Variants in REC114 observed in about 807,000 individuals in gnomAD.
The protein encoded by REC114 is REC114 meiotic recombination protein, also known as meiotic recombination protein REC114.
Under a neutral mutation model 31.3 loss-of-function variants are expected in REC114, and 27 were observed. The ratio of observed to expected loss-of-function variants is 0.86; its 90% CI spans 0.64 to 1.19. REC114 has a LOEUF of 1.19. Ranked by LOEUF, REC114 falls within the 50% of genes most tolerant of loss-of-function variation. The pLI is 0.00. For synonymous variants in REC114, 134 were observed against 127.7 expected (o/e 1.05, Z -0.33); for missense variants, 344 against 326.9 (o/e 1.05, Z -0.40).
intron 1 of REC114, among the ~76,000 whole-genome samples, chr15:73,448,984 C>G (rs184149703): frequency 4.3e-4 from 65 of 152,212 alleles, no homozygotes; most frequent in Admixed American, 9.2e-4. Flanking sequence ...AGAGACCCCA[C>G]CCAAAGGTCA....
intron 3 of REC114, among the ~76,000 whole-genome samples, chr15:73,543,825 G>A (rs1339074610): frequency 1.3e-5 from 2 of 151,462 alleles, no homozygotes; most frequent in African/African-American, 4.9e-5. Context: ...CCACCTTACC[G>A]AATTGTCTAG....
chr15:73,464,850 C>A (rs1893036142), intron 1 of REC114, among the ~76,000 whole-genome samples: 1 of 152,114 alleles, frequency 6.6e-6, no homozygotes, highest in East Asian at 1.9e-4. Context: ...CCTGAGACCT[C>A]AATCCACCCT....
chr15:73,447,899 C>G lies in REC114; in HGVS notation c.159+4555C>G, dbSNP rs1245411942. Among the ~76,000 whole-genome samples the G allele has an allele frequency of 2.6e-5, 4 of 152,046 alleles. No homozygotes were observed. In the East Asian group the frequency reaches 7.7e-4, roughly 29 times the overall value. ...CTGGGAAGTACAAGGGTTGGGGAAT[C>G]TCCCTCCCCCAGCCAAGGGAAGCCG... On this transcript the variant is annotated intron_variant, in intron 1 of 5. Coordinates refer to ENST00000331090, the MANE Select transcript of REC114 (RefSeq NM_001042367.2).
In REC114 at chr15:73,554,412, G is replaced by A. The variant is rs78550142; in HGVS notation, c.547-1890G>A. On this transcript the variant is annotated intron_variant, in intron 4 of 5. Coordinates refer to ENST00000331090, the MANE Select transcript of REC114 (RefSeq NM_001042367.2). The stretch of plus-strand genomic sequence containing the variant: ...TACATTCAGGTGTGTCATTTTTGTA[G>A]TACCTATATATTTTTTAGTATAAAA... 5.9e-3 allele frequency among the ~76,000 whole-genome samples: 891 copies of A among 152,292 alleles called. 6 individuals carry two copies. Among genetic ancestry groups the A allele is most frequent in the African/African-American group, 0.02 (849 of 41,564 alleles).
chr15:73,469,184 T>C (rs1893100982), intron 1 of REC114, among the ~76,000 whole-genome samples: 1 of 152,142 alleles, frequency 6.6e-6, no homozygotes, highest in Non-Finnish European at 1.5e-5. Flanking sequence ...TTTCTATCAG[T>C]TATTGAGAGA....
At chr15:73,508,369 T>A (rs1171944680) in intron 2 of REC114, among the ~76,000 whole-genome samples, 1 of 152,042 alleles carries the variant, frequency 6.6e-6, no homozygotes, top group Non-Finnish European at 1.5e-5. Flanking sequence ...TCTAAAATGT[T>A]TTCTTCATCT....
rs117970921 is a variant in REC114 at position 73,524,452 on chromosome 15, C to G, written c.250-16033C>G. On this transcript the variant is annotated intron_variant, in intron 2 of 5. Coordinates refer to ENST00000331090, the MANE Select transcript of REC114 (RefSeq NM_001042367.2). ...TGAAGAGGATCAATGATTAACAGTA[C>G]AAACAATAGTCAGCATCATAGATAT... Among the ~76,000 whole-genome samples, 1,061 of 152,264 alleles carry G rather than the reference C, an allele frequency of 7.0e-3. 11 individuals are homozygous for G. Among genetic ancestry groups the G allele is most frequent in the South Asian group, 0.019 (92 of 4,822 alleles).
intron 2 of REC114, among the ~76,000 whole-genome samples, chr15:73,503,997 ATTTTTTTTTTTT>A (rs71137349): frequency 3.1e-5 from 2 of 64,036 alleles, no homozygotes; most frequent in African/African-American, 5.6e-5. Context: ...TCCCATAGGA[ATTTTTTTTTTTT>A]TTTTTTTTTT....
intron 1 of REC114, among the ~76,000 whole-genome samples, chr15:73,464,625 T>C (rs957511784): frequency 3.9e-5 from 6 of 152,142 alleles, no homozygotes; most frequent in African/African-American, 1.4e-4. Context: ...TTGAGTTAAG[T>C]TGGCCAACTC....
intron 3 of REC114, among the ~76,000 whole-genome samples, chr15:73,545,391 T>G (rs1894295342): frequency 6.6e-6 from 1 of 152,196 alleles, no homozygotes; most frequent in Admixed American, 6.5e-5. Flanking sequence ...CATCAAGACT[T>G]TCAATCTTTA....
At chr15:73,468,643 T>C (rs1297538799) in intron 1 of REC114, among the ~76,000 whole-genome samples, 1 of 151,914 alleles carries the variant, frequency 6.6e-6, no homozygotes, top group Non-Finnish European at 1.5e-5. Flanking sequence ...GTTTCTTATC[T>C]TAGGGAGAAA....
At chr15:73,528,282 C>T (rs1423007572) in intron 2 of REC114, among the ~76,000 whole-genome samples, 1 of 151,962 alleles carries the variant, frequency 6.6e-6, no homozygotes, top group African/African-American at 2.4e-5. Context: ...TTTTGCAACC[C>T]CAGATGAATT....
At chr15:73,540,814 G>T (rs1894227982) in intron 3 of REC114, among the ~76,000 whole-genome samples, 1 of 152,166 alleles carries the variant, frequency 6.6e-6, no homozygotes, top group Non-Finnish European at 1.5e-5. Flanking sequence ...GAGCTGTGCA[G>T]CCATTCTCTA....
intron 3 of REC114, among the ~76,000 whole-genome samples, chr15:73,550,233 A>G (rs1894369021): frequency 6.6e-6 from 1 of 152,214 alleles, no homozygotes; most frequent in South Asian, 2.1e-4. Context: ...AGATGTTTTT[A>G]CACTTAGATG....
chr15:73,555,856 A>G (rs558501291), intron 4 of REC114, among the ~76,000 whole-genome samples: 3 of 152,288 alleles, frequency 2.0e-5, no homozygotes, highest in South Asian at 2.1e-4. Flanking sequence ...CCCATTTTGC[A>G]TTTCTTCAAT....
chr15:73,556,402 T>C lies in REC114; in HGVS notation c.636+11T>C, dbSNP rs1566951177. The C allele has an allele frequency of 1.2e-6, 2 of 1,606,366 alleles. No individual in the cohort carries two copies. The highest frequency in any genetic ancestry group is 1.1e-5 in the South Asian group (1 of 90,040). On this transcript the variant is annotated intron_variant, in intron 5 of 5. Coordinates refer to ENST00000331090, the MANE Select transcript of REC114 (RefSeq NM_001042367.2). ...ACGCAGTTAGCTCAGGTAGAGCTTATTTCTGTGTTCAATTTTCTTGTCATG... is the reference window on the plus strand; with the variant it reads ...ACGCAGTTAGCTCAGGTAGAGCTTACTTCTGTGTTCAATTTTCTTGTCATG...
chr15:73,475,938 A>G (rs1263240353), intron 2 of REC114, among the ~76,000 whole-genome samples: 1 of 152,156 alleles, frequency 6.6e-6, no homozygotes, highest in Admixed American at 6.5e-5. Context: ...TACCTTCTCT[A>G]TGCTTAGATA....
intron 3 of REC114, 30 bp downstream of exon 3, chr15:73,540,598 C>G: frequency 6.4e-7 from 1 of 1,570,716 alleles, no homozygotes; most frequent in Non-Finnish European, 8.8e-7. Context: ...TCACACTCTT[C>G]TCATCTTCTA....
intron 2 of REC114, among the ~76,000 whole-genome samples, chr15:73,474,870 C>G (rs1040485384): frequency 6.6e-6 from 1 of 152,154 alleles, no homozygotes; most frequent in African/African-American, 2.4e-5. Context: ...ATTCATATTT[C>G]CGCTTAAATA....
Sources: gnomAD v4.1 joint callset for allele counts (sites outside exome capture counted in the v4.1 genomes callset) on GRCh38, gnomAD v4.1.1 for gene constraint, MANE v1.5 for transcripts, NCBI Gene and HGNC (gene_info 2026-07-23, HGNC 2026-07-21) for gene names.